The following KPNA1 variants were observed in gnomAD, a reference collection of about 807,000 sequenced individuals.
The protein encoded by KPNA1 is karyopherin subunit alpha 1.
KPNA1 carries 10 observed loss-of-function variants against 70.5 expected under a neutral mutation model. The observed-to-expected ratio is 0.14, with a 90% CI of 0.09 to 0.24. The LOEUF (loss-of-function observed/expected upper bound fraction) is 0.24. Ranked by LOEUF, KPNA1 falls within the 10% of genes least tolerant of loss-of-function variation. KPNA1 has a pLI of 1.00. For missense variants in KPNA1, 397 were observed against 637.9 expected, an observed-to-expected ratio of 0.62 and a Z score of 4.07; for synonymous variants, 192 against 221.9, an observed-to-expected ratio of 0.87 and a Z score of 1.20.
chr3:122,437,142 A>G, intron 11 of KPNA1, 28 bp downstream of exon 11: 1 of 1,592,562 alleles, frequency 6.3e-7, no homozygotes, highest in Non-Finnish European at 8.5e-7. Flanking sequence ...AAAAATACTG[A>G]AAGAGAAGTT....
intron 12 of KPNA1, among the ~76,000 whole-genome samples, 177 bp from the exon 13 acceptor site, chr3:122,427,893 A>G (rs2075843898): frequency 6.6e-6 from 1 of 152,152 alleles, no homozygotes; most frequent in East Asian, 1.9e-4. Context: ...AAAACCCTCT[A>G]AATAAATTAT....
intron 2 of KPNA1, among the ~76,000 whole-genome samples, chr3:122,475,625 C>T (rs1247040361): frequency 2.0e-5 from 3 of 152,096 alleles, no homozygotes; most frequent in East Asian, 3.9e-4. Flanking sequence ...ATGACACAGG[C>T]GTTAGGGAAG....
chr3:122,450,577 C>T (rs1312501060), intron 8 of KPNA1, among the ~76,000 whole-genome samples: 3 of 151,968 alleles, frequency 2.0e-5, no homozygotes, highest in African/African-American at 4.8e-5. Context: ...AGCAAAACTC[C>T]GTCTCAAAAA....
At chr3:122,489,332 C>T (rs1000245835) in intron 2 of KPNA1, among the ~76,000 whole-genome samples, 1 of 151,368 alleles carries the variant, frequency 6.6e-6, no homozygotes, top group Non-Finnish European at 1.5e-5. Context: ...CTCTGTCACT[C>T]AGGCTGGAGC....
At chr3:122,427,803 T>G in intron 12 of KPNA1, 87 bp from the exon 13 acceptor site, 1 of 794,372 alleles carries the variant, frequency 1.3e-6, no homozygotes, top group Admixed American at 3.1e-5. Flanking sequence ...TCAACTTCAC[T>G]GCAGAGACTT....
At chr3:122,451,820 G>A (rs186703053) in intron 7 of KPNA1, among the ~76,000 whole-genome samples, 156 bp downstream of exon 7, 2 of 152,136 alleles carry the variant, frequency 1.3e-5, no homozygotes, top group East Asian at 3.8e-4. Flanking sequence ...AAAAGATAGG[G>A]TGCTTGAGGA....
chr3:122,457,632 G>T (rs1212724042), intron 5 of KPNA1: 6 of 1,094,780 alleles, frequency 5.5e-6, no homozygotes, highest in African/African-American at 1.6e-5. Flanking sequence ...CTGAAGGTTT[G>T]ATGTTTTCTC....
chr3:122,492,977 A>G (rs1408918292), intron 2 of KPNA1, among the ~76,000 whole-genome samples: 1 of 152,206 alleles, frequency 6.6e-6, no homozygotes, highest in East Asian at 1.9e-4. Flanking sequence ...AAAGACATTC[A>G]CAATTATTGT....
chr3:122,493,099 C>T (rs2076717961), intron 2 of KPNA1, among the ~76,000 whole-genome samples: 1 of 152,158 alleles, frequency 6.6e-6, no homozygotes, highest in African/African-American at 2.4e-5. Context: ...AAACACTCAA[C>T]AGTTAACTGT....
chr3:122,483,968 T>C (rs1383154543), intron 2 of KPNA1, among the ~76,000 whole-genome samples: 1 of 152,218 alleles, frequency 6.6e-6, no homozygotes, highest in Non-Finnish European at 1.5e-5. Flanking sequence ...TCCTATGTTA[T>C]TTTTTAGCAG....
At chr3:122,510,668 C>G (rs28434553) in intron 1 of KPNA1, among the ~76,000 whole-genome samples, 1 of 151,792 alleles carries the variant, frequency 6.6e-6, no homozygotes, top group African/African-American at 2.4e-5. Context: ...CTTGCTTAGA[C>G]GAAAGCCAAT....
intron 12 of KPNA1, among the ~76,000 whole-genome samples, chr3:122,432,250 T>A (rs1332491530): frequency 6.6e-6 from 1 of 152,248 alleles, no homozygotes; most frequent in Non-Finnish European, 1.5e-5. Flanking sequence ...AAAATCATAG[T>A]ACTCTAGAAT....
intron 2 of KPNA1, among the ~76,000 whole-genome samples, chr3:122,475,603 A>G (rs1465880403): frequency 2.0e-5 from 3 of 152,118 alleles, no homozygotes. Context: ...TCAAAATACA[A>G]TTGACCCTTA....
At chr3:122,460,718 C>T in intron 5 of KPNA1, 3 of 934,650 alleles carry the variant, frequency 3.2e-6, no homozygotes, top group Non-Finnish European at 3.8e-6. Flanking sequence ...TTATATAGTA[C>T]AGTACTGAAA....
chr3:122,482,431 A>G (rs2076582352), intron 2 of KPNA1, among the ~76,000 whole-genome samples: 1 of 152,218 alleles, frequency 6.6e-6, no homozygotes, highest in African/African-American at 2.4e-5. Flanking sequence ...CTTTTCATCT[A>G]AGGTCAGAAA....
chr3:122,451,976 T>C lies in KPNA1; in HGVS notation c.653A>G (p.Gln218Arg). 1 of 1,564,558 alleles carries C rather than the reference T, an allele frequency of 6.4e-7. No homozygotes were observed. The highest frequency in any genetic ancestry group is 1.2e-5 in the South Asian group (1 of 84,486). Residue 218 changes from glutamine to arginine, a missense_variant and splice_region_variant, in exon 7 of 14, where the codon CAG becomes CGG. Transcript: ENST00000344337. Reference protein sequence around the residue: ...LDCNILPPLLQLFSKQNRLTM... With the variant: ...LDCNILPPLLRLFSKQNRLTM... ...AAGGAAGAAGGAAGAAGAAACTTAC[T>C]GCAAAAGAGGGGGAAGGATATTGCA...
chr3:122,451,140 A>G (rs997041180), intron 8 of KPNA1, among the ~76,000 whole-genome samples: 1 of 151,882 alleles, frequency 6.6e-6, no homozygotes, highest in African/African-American at 2.4e-5. Flanking sequence ...CCAAAAACCT[A>G]TTGGAAAAAA....
chr3:122,449,804 A>C, intron 8 of KPNA1, 67 bp from the exon 9 acceptor site: 480 of 1,310,796 alleles, frequency 3.7e-4, no homozygotes, highest in Non-Finnish European at 4.7e-4. Flanking sequence ...TGAGATACTC[A>C]AGAAGGCAAC....
chr3:122,489,053 C>T lies in KPNA1; in HGVS notation c.129+7384G>A, dbSNP rs988743652. ...CATAACTCGCTTGTGGGTTTTTTTG[C>T]GTGCGTGTGTGTGTGTGTGTGTGTG... On this transcript the variant is annotated intron_variant, in intron 2 of 13. Coordinates refer to ENST00000344337, the MANE Select transcript of KPNA1 (RefSeq NM_002264.4). 2.7e-3 allele frequency among the ~76,000 whole-genome samples: 317 copies of T among 118,802 alleles called. 2 individuals are homozygous for T. Among genetic ancestry groups the T allele is most frequent in the African/African-American group, 0.011 (313 of 28,780 alleles). 77.9% of individuals were successfully genotyped at this position (118,802 alleles called of 152,430 possible).
Sources: gnomAD v4.1 joint callset for allele counts (sites outside exome capture counted in the v4.1 genomes callset) on GRCh38, gnomAD v4.1.1 for gene constraint, MANE v1.5 for transcripts, NCBI Gene and HGNC (gene_info 2026-07-23, HGNC 2026-07-21) for gene names.